The following THRAP3 variants were observed in gnomAD, a reference collection of about 807,000 sequenced individuals.
THRAP3 encodes thyroid hormone receptor-associated protein 3.
In THRAP3, 16 loss-of-function variants were observed where a neutral mutation model predicts 101.0. That is an observed-to-expected ratio of 0.16 (90% confidence interval 0.11 to 0.24). THRAP3 has a LOEUF of 0.24. Among genes scored for constraint, THRAP3 ranks in the 10% least tolerant of loss-of-function variants. The probability of loss-of-function intolerance (pLI) is 1.00; values close to 1 mark genes in which losing one functional copy is unlikely to be tolerated. For missense variants in THRAP3, 989 were observed against 1,202.7 expected, an observed-to-expected ratio of 0.82 and a Z score of 2.63; for synonymous variants, 407 against 422.6, an observed-to-expected ratio of 0.96 and a Z score of 0.45.
upstream of THRAP3, among the ~76,000 whole-genome samples, chr1:36,222,320 C>T (rs1246850677): frequency 1.3e-5 from 2 of 152,170 alleles, no homozygotes; most frequent in Admixed American, 1.3e-4. Context: ...CACTGGGAAA[C>T]TTGGACTAAC....
At chr1:36,213,222 G>T in the THRAP3 span, among the ~76,000 whole-genome samples, 1 of 152,140 alleles carries the variant, frequency 6.6e-6, no homozygotes, top group Non-Finnish European at 1.5e-5. Flanking sequence ...GAGGGCACTG[G>T]AGACAGGGGT....
intron 2 of THRAP3, 95 bp downstream of exon 2, chr1:36,259,579 A>AC (rs1472207029): frequency 2.5e-6 from 1 of 392,320 alleles, no homozygotes; most frequent in Non-Finnish European, 4.5e-6. Context: ...AGCCTATGCA[A>AC]CATGGTGAGA....
rs569830771 is a variant in THRAP3 at position 36,287,311 on chromosome 1, C to G, written c.1040+41C>G. 100 of 1,529,930 alleles carry G rather than the reference C, an allele frequency of 6.5e-5. 2 individuals are homozygous for G. The South Asian group carries it at 1.2e-3, about 18-fold the overall frequency. The allele number at this position is 1,529,930 out of a possible 1,614,324, so 94.8% of individuals were successfully genotyped here. ...CCCCTGCCTGGTTGTGTTTTTATCTCACTAGCTGGCAGTTTAATTGTAATG... is the reference window on the plus strand; with the variant it reads ...CCCCTGCCTGGTTGTGTTTTTATCTGACTAGCTGGCAGTTTAATTGTAATG... On this transcript the variant is annotated intron_variant, in intron 4 of 11. Transcript: ENST00000354618.
At chr1:36,214,050 GAAAGAAAGAA>G in the THRAP3 span, among the ~76,000 whole-genome samples, 1 of 124,676 alleles carries the variant, frequency 8.0e-6, no homozygotes, top group African/African-American at 3.2e-5. Context: ...AAGAAAGAAA[GAAAGAAAGAA>G]AGAAAGACAA....
intron 2 of THRAP3, among the ~76,000 whole-genome samples, chr1:36,277,256 A>T (rs1645672906): frequency 6.6e-6 from 1 of 151,968 alleles, no homozygotes; most frequent in African/African-American, 2.4e-5. Flanking sequence ...GGCATCAGCC[A>T]CTGCACCCAG....
chr1:36,279,704 C>T (rs1363294179), intron 2 of THRAP3, among the ~76,000 whole-genome samples: 1 of 152,150 alleles, frequency 6.6e-6, no homozygotes, highest in Non-Finnish European at 1.5e-5. Flanking sequence ...TCTCAGTTCT[C>T]CTCTAAATTA....
chr1:36,231,120 A>G (rs529392535), intron 1 of THRAP3, among the ~76,000 whole-genome samples: 1 of 152,154 alleles, frequency 6.6e-6, no homozygotes, highest in African/African-American at 2.4e-5. Context: ...ACTCCCATTC[A>G]TAGTCACTTT....
At chr1:36,278,302 G>A (rs777309317) in intron 2 of THRAP3, among the ~76,000 whole-genome samples, 24 of 152,226 alleles carry the variant, frequency 1.6e-4, no homozygotes, top group Non-Finnish European at 2.5e-4. Context: ...CTGACCCCAG[G>A]TGATGTGCCT....
At chr1:36,239,455 C>T (rs115926051) in intron 1 of THRAP3, among the ~76,000 whole-genome samples, 12,847 of 152,044 alleles carry the variant, frequency 0.084, 765 homozygotes, top group Middle Eastern at 0.23. Flanking sequence ...TTAGTAGAGA[C>T]GAGGTTTCAC....
the THRAP3 span, among the ~76,000 whole-genome samples, chr1:36,207,912 C>T: frequency 1.3e-5 from 2 of 152,164 alleles, no homozygotes; most frequent in African/African-American, 4.8e-5. Flanking sequence ...CCTGCCTCAG[C>T]CTCCTGACTA....
chr1:36,225,389 GC>G (rs1378785833), intron 1 of THRAP3: 1 of 152,096 alleles, frequency 6.6e-6, no homozygotes, highest in Non-Finnish European at 1.5e-5. Context: ...TTAAATCTTG[GC>G]CCTGCTATCT....
intron 1 of THRAP3, among the ~76,000 whole-genome samples, chr1:36,228,180 TG>T (rs1292261932): frequency 6.6e-6 from 1 of 151,854 alleles, no homozygotes; most frequent in Non-Finnish European, 1.5e-5. Flanking sequence ...CCTGAGTAGC[TG>T]GGATTACAGG....
rs1424393740 is a variant in THRAP3, at chr1:36,259,425, G to C, written c.-91G>C. The C allele has an allele frequency of 2.5e-6, 1 of 398,600 alleles. No individual in the cohort carries two copies. Among genetic ancestry groups the C allele is most frequent in the Non-Finnish European group, 4.4e-6 (1 of 226,050 alleles). The allele number at this position is 398,600 out of a possible 1,614,324, so 24.7% of individuals were successfully genotyped here. On this transcript the variant is annotated 5_prime_UTR_variant, in exon 2 of 12. Coordinates refer to ENST00000354618, the MANE Select transcript of THRAP3 (RefSeq NM_005119.4). ...AAAGTGAAGAAGCCAGTGGTGCTGC[G>C]GGTGTTCTTTTGGGGTAGTGTCTGG...
chr1:36,303,610 AT>A (rs1646057368), intron 11 of THRAP3, among the ~76,000 whole-genome samples, 185 bp from the exon 12 acceptor site: 1 of 152,200 alleles, frequency 6.6e-6, no homozygotes, highest in Non-Finnish European at 1.5e-5. Flanking sequence ...CCCAACTGAT[AT>A]TCTCATGGAT....
chr1:36,220,972 A>AAAAAAAAAAATATAT (rs1285765741), upstream of THRAP3, among the ~76,000 whole-genome samples: 1 of 94,144 alleles, frequency 1.1e-5, no homozygotes, highest in African/African-American at 4.7e-5. Flanking sequence ...AAAAAAAAAA[A>AAAAAAAAAAATATAT]ATATATATAT....
chr1:36,298,676 A>T (rs1311938781), intron 9 of THRAP3, among the ~76,000 whole-genome samples: 2 of 151,934 alleles, frequency 1.3e-5, no homozygotes, highest in Admixed American at 6.6e-5. Flanking sequence ...ATTTTTAAAA[A>T]TTTTTTGTAG....
chr1:36,249,395 G>C (rs1257290425), intron 1 of THRAP3, among the ~76,000 whole-genome samples: 2 of 151,668 alleles, frequency 1.3e-5, no homozygotes, highest in Admixed American at 1.3e-4. Flanking sequence ...GTTTCACCGT[G>C]TTAGCCAGGA....
At chr1:36,210,476 G>A in the THRAP3 span, among the ~76,000 whole-genome samples, 4 of 148,888 alleles carry the variant, frequency 2.7e-5, no homozygotes, top group South Asian at 8.5e-4. Flanking sequence ...ATTGCCTGAG[G>A]TCAGAAGTTC....
At position 36,303,825 on chromosome 1, in the gene THRAP3, C is replaced by G. The variant is rs1319361205; in HGVS notation, c.2676C>G (p.Asp892Glu). 2 of 1,614,132 alleles carry G rather than the reference C, an allele frequency of 1.2e-6. No individual in the cohort carries two copies. Among genetic ancestry groups the G allele is most frequent in the South Asian group, 1.1e-5 (1 of 91,080 alleles). ...LHDDREGEGS[D>E]KWVSRGRGRG... ...ATGACCGTGAAGGCGAAGGCAGTGA[C>G]AAGTGGGTGAGCCGGGGCCGGGGCC... Residue 892 changes from aspartate to glutamate, a missense_variant, in exon 12 of 12, where the codon GAC (aspartate) becomes GAG (glutamate). Transcript: ENST00000354618.
Sources: gnomAD v4.1 joint callset for allele counts (sites outside exome capture counted in the v4.1 genomes callset) on GRCh38, gnomAD v4.1.1 for gene constraint, MANE v1.5 for transcripts, NCBI Gene and HGNC (gene_info 2026-07-23, HGNC 2026-07-21) for gene names.